DGKB: variants seen among roughly 807,000 people sequenced by gnomAD.
DGKB encodes the protein 90 kDa diacylglycerol kinase.
Under a neutral mutation model 114.3 loss-of-function variants are expected in DGKB, and 67 were observed. The ratio of observed to expected loss-of-function variants is 0.59; its 90% CI spans 0.48 to 0.72. The LOEUF is 0.72. Ranked by LOEUF, DGKB falls within the 30% of genes least tolerant of loss-of-function variation. The pLI is 0.00. For synonymous variants in DGKB, 398 were observed against 323.1 expected, an observed-to-expected ratio of 1.23 and a Z score of -2.49; for missense variants, 907 against 975.2, an observed-to-expected ratio of 0.93 and a Z score of 0.93.
At chr7:14,907,566 CAT>C (rs1338066999), upstream of DGKB, among the ~76,000 whole-genome samples, 2 of 152,220 alleles carry the variant, frequency 1.3e-5, no homozygotes, top group South Asian at 2.1e-4. Flanking sequence ...AACACACACA[CAT>C]GTGCACAGGG....
chr7:14,914,170 C>T (rs543077648), intron 1 of DGKB, among the ~76,000 whole-genome samples: 2 of 152,130 alleles, frequency 1.3e-5, no homozygotes, highest in African/African-American at 2.4e-5. Context: ...CTTGCCAGAG[C>T]CTTCTCTGAC....
intron 20 of DGKB, among the ~76,000 whole-genome samples, chr7:14,496,661 T>G (rs1474226012): frequency 2.0e-5 from 3 of 151,814 alleles, no homozygotes; most frequent in Non-Finnish European, 2.9e-5. Context: ...TAACTACTCA[T>G]TTTTCTTTGA....
At chr7:14,687,897 G>A (rs1055542904) in intron 9 of DGKB, among the ~76,000 whole-genome samples, 3 of 152,162 alleles carry the variant, frequency 2.0e-5, no homozygotes, top group African/African-American at 4.8e-5. Flanking sequence ...ACACTTAGCC[G>A]TGTTACAGGC....
chr7:14,911,004 C>T (rs1167321891), intron 1 of DGKB, among the ~76,000 whole-genome samples: 2 of 151,900 alleles, frequency 1.3e-5, no homozygotes, highest in South Asian at 2.1e-4. Flanking sequence ...ATATTTACTG[C>T]AATGTATAGT....
intron 23 of DGKB, among the ~76,000 whole-genome samples, chr7:14,281,177 A>C (rs1035070349): frequency 2.0e-5 from 3 of 151,576 alleles, no homozygotes; most frequent in African/African-American, 7.3e-5. Context: ...TCTACCAAGC[A>C]AATGGAGAAC....
chr7:14,752,539 A>G (rs906372507), intron 4 of DGKB, among the ~76,000 whole-genome samples: 1 of 152,210 alleles, frequency 6.6e-6, no homozygotes, highest in Non-Finnish European at 1.5e-5. Flanking sequence ...AAGAGCACAC[A>G]TAGAGCAGTA....
At chr7:14,806,610 T>C (rs977244970) in intron 2 of DGKB, among the ~76,000 whole-genome samples, 3 of 152,092 alleles carry the variant, frequency 2.0e-5, no homozygotes, top group South Asian at 2.1e-4. Flanking sequence ...TCTTAACTCA[T>C]GTGGCACCTC....
chr7:14,508,573 A>C (rs564906484), intron 20 of DGKB, among the ~76,000 whole-genome samples: 2 of 152,216 alleles, frequency 1.3e-5, no homozygotes, highest in Non-Finnish European at 2.9e-5. Context: ...TAATCATTGC[A>C]GTAAATGCTC....
At chr7:14,182,149 A>G (rs1782719245) in intron 23 of DGKB, among the ~76,000 whole-genome samples, 1 of 152,304 alleles carries the variant, frequency 6.6e-6, no homozygotes, top group South Asian at 2.1e-4. Context: ...TTAAGAAAAG[A>G]TAATACGTTT....
intron 1 of DGKB, among the ~76,000 whole-genome samples, chr7:14,863,466 T>C (rs1215799863): frequency 6.6e-6 from 1 of 151,852 alleles, no homozygotes; most frequent in African/African-American, 2.4e-5. Flanking sequence ...GAAAATTTCA[T>C]CTTTATATTA....
Position 14,645,374 on chromosome 7 carries a change from G to C in DGKB, c.1135-15106C>G, listed in dbSNP as rs563492634. On this transcript the variant is annotated intron_variant, in intron 13 of 25. Transcript: ENST00000402815. ...AATGTTCCTGCTTGCTGAGCTATAGGTGGTGAGAATAAAAGAGTGGTAATA... is the reference window on the plus strand; with the variant it reads ...AATGTTCCTGCTTGCTGAGCTATAGCTGGTGAGAATAAAAGAGTGGTAATA... Among the ~76,000 whole-genome samples the C allele has an allele frequency of 3.3e-5, 5 of 152,114 alleles. No homozygotes were observed. In the East Asian group the frequency reaches 5.8e-4, roughly 18 times the overall value.
At chr7:14,430,836 T>C (rs1828348278) in intron 21 of DGKB, among the ~76,000 whole-genome samples, 1 of 151,870 alleles carries the variant, frequency 6.6e-6, no homozygotes, top group Non-Finnish European at 1.5e-5. Flanking sequence ...ATATTTACTT[T>C]GATTTTCATA....
chr7:14,704,327 A>C (rs531088793), intron 6 of DGKB, among the ~76,000 whole-genome samples: 11 of 150,366 alleles, frequency 7.3e-5, no homozygotes, highest in Admixed American at 6.0e-4. Flanking sequence ...AGGTGCCTGT[A>C]GTCCCAGCTA....
rs531981296 is a variant in DGKB at position 14,466,587 on chromosome 7, T to C, written c.1835+11574A>G. 3.9e-5 allele frequency among the ~76,000 whole-genome samples: 6 copies of C among 152,024 alleles called. 1 individual carries two copies. In the East Asian group the frequency reaches 1.2e-3, roughly 30 times the overall value. On this transcript the variant is annotated intron_variant, in intron 21 of 25. Coordinates refer to ENST00000402815, the MANE Select transcript of DGKB (RefSeq NM_001350709.2). ...ATCACAAGGAGGGTTTCTTGTTTAC[T>C]ACTGTATCCTCAGTGTTCCATAAAT...
intron 23 of DGKB, among the ~76,000 whole-genome samples, chr7:14,254,067 A>G (rs1454078296): frequency 6.6e-6 from 1 of 152,210 alleles, no homozygotes. Flanking sequence ...ACGAAGAGAA[A>G]GAAGGAGTGA....
chr7:14,350,561 A>G (rs1813259755), intron 21 of DGKB, among the ~76,000 whole-genome samples: 1 of 152,044 alleles, frequency 6.6e-6, no homozygotes, highest in African/African-American at 2.4e-5. Context: ...CATAAGCAAC[A>G]AAAAAGTTTT....
Position 14,665,960 on chromosome 7 carries a change from A to G in DGKB, c.1134+6969T>C, listed in dbSNP as rs1012811412. Among the ~76,000 whole-genome samples, 7 of 151,982 alleles carry G rather than the reference A, an allele frequency of 4.6e-5. 1 individual carries two copies. The highest frequency in any genetic ancestry group is 1.7e-4 in the African/African-American group (7 of 41,428). ...ACAAATTTATGTACTACCCAAAATA[A>G]TTTCAAAAGTATGGACTTAAGCCAT... On this transcript the variant is annotated intron_variant, in intron 13 of 25. Transcript: ENST00000402815.
At chr7:14,610,306 G>A (rs1805303396) in intron 16 of DGKB, among the ~76,000 whole-genome samples, 1 of 152,034 alleles carries the variant, frequency 6.6e-6, no homozygotes, top group African/African-American at 2.4e-5. Flanking sequence ...TGCACGAAAT[G>A]TTAAGCAGCA....
At chr7:14,807,387 T>C (rs911070158) in intron 2 of DGKB, among the ~76,000 whole-genome samples, 1 of 152,040 alleles carries the variant, frequency 6.6e-6, no homozygotes, top group African/African-American at 2.4e-5. Flanking sequence ...TTTCCATAGA[T>C]ATATTACTGT....
Sources: gnomAD v4.1 joint callset for allele counts (sites outside exome capture counted in the v4.1 genomes callset) on GRCh38, gnomAD v4.1.1 for gene constraint, MANE v1.5 for transcripts, NCBI Gene and HGNC (gene_info 2026-07-23, HGNC 2026-07-21) for gene names.